PPEF2: variants seen among roughly 807,000 people sequenced by gnomAD.
PPEF2 encodes protein phosphatase with EF-hand domain 2.
PPEF2 carries 84 observed loss-of-function variants against 84.7 expected under a neutral mutation model. The observed-to-expected ratio is 0.99, with a 90% CI of 0.83 to 1.19. The LOEUF is 1.19. Ranked by LOEUF, PPEF2 falls within the 50% of genes most tolerant of loss-of-function variation. The pLI, the probability that PPEF2 is intolerant of heterozygous loss-of-function variation, is 0.00. For synonymous variants in PPEF2, 346 were observed against 345.2 expected, an observed-to-expected ratio of 1.00 and a Z score of -0.03; for missense variants, 924 against 937.5, an observed-to-expected ratio of 0.99 and a Z score of 0.19.
At chr4:75,874,198 C>T (rs966268495) in intron 11 of PPEF2, among the ~76,000 whole-genome samples, 1 of 152,044 alleles carries the variant, frequency 6.6e-6, no homozygotes, top group African/African-American at 2.4e-5. Flanking sequence ...AGTTTCTACT[C>T]TATTATTAAT....
At chr4:75,864,268 G>T (rs550678753) in intron 16 of PPEF2, among the ~76,000 whole-genome samples, 172 bp downstream of exon 16, 1 of 152,152 alleles carries the variant, frequency 6.6e-6, no homozygotes, top group Non-Finnish European at 1.5e-5. Context: ...ATGGGCTGCT[G>T]ATACTACTCA....
At chr4:75,885,028 G>A (rs529306651) in intron 7 of PPEF2, among the ~76,000 whole-genome samples, 9 of 152,166 alleles carry the variant, frequency 5.9e-5, no homozygotes, top group Non-Finnish European at 1.2e-4. Context: ...CACCAAACTT[G>A]TGATCCAAAG....
intron 5 of PPEF2, 26 bp downstream of exon 5, chr4:75,889,931 G>A: frequency 6.2e-7 from 1 of 1,611,964 alleles, no homozygotes; most frequent in South Asian, 1.1e-5. Flanking sequence ...AGTTGGTAGT[G>A]ACCCAGGTTC....
chr4:75,888,204 C>A lies in PPEF2; in HGVS notation c.532+10G>T. Reference sequence around the variant, plus strand: ...TGCAGCATGGAAAGCCGTTTCTGACCAGCTCTTACCACACACTGTGATCTC... The same window carrying A: ...TGCAGCATGGAAAGCCGTTTCTGACAAGCTCTTACCACACACTGTGATCTC... On this transcript the variant is annotated intron_variant, in intron 6 of 16. Transcript: ENST00000286719. The A allele has an allele frequency of 6.3e-7, 1 of 1,585,410 alleles. No individual in the cohort carries two copies. The highest frequency in any genetic ancestry group is 1.7e-5 in the Admixed American group (1 of 59,962).
intron 6 of PPEF2, 41 bp downstream of exon 6, chr4:75,888,172 CT>C (rs747214634): frequency 6.8e-5 from 99 of 1,450,172 alleles, no homozygotes; most frequent in Non-Finnish European, 8.8e-5. Context: ...GAGCATTCTT[CT>C]TTGTGTGCAG....
chr4:75,880,152 T>A (rs1724530497), intron 10 of PPEF2, among the ~76,000 whole-genome samples: 1 of 152,194 alleles, frequency 6.6e-6, no homozygotes, highest in Non-Finnish European at 1.5e-5. Context: ...TTAAGGATGT[T>A]GTTATCTGCT....
At chr4:75,866,640 TA>T (rs1390827728) in intron 14 of PPEF2, 1 of 399,178 alleles carries the variant, frequency 2.5e-6, no homozygotes, top group Non-Finnish European at 4.6e-6. Context: ...AATTCAAACT[TA>T]TTGAGGCATT....
chr4:75,880,275 C>G (rs551953888), intron 10 of PPEF2, among the ~76,000 whole-genome samples: 87 of 152,248 alleles, frequency 5.7e-4, no homozygotes, highest in Non-Finnish European at 1.0e-3. Context: ...ACCACCATAC[C>G]ACTCCTATAA....
rs759570831 is a variant in PPEF2, at chr4:75,876,436, G to T, written c.1171C>A (p.Arg391=). The change falls in exon 11 of 17, where the codon CGG becomes AGG. Residue 391 remains arginine, a synonymous_variant. Coordinates refer to ENST00000286719, the MANE Select transcript of PPEF2 (RefSeq NM_006239.3). ...LDGRELSRQV[R]SSVELELERC... ...TCTAGCTCCAGTTCCACGGAGCTCC[G>T]CACCTGCCGGGAGAGCTCCCGCCCG... 6.8e-6 allele frequency: 11 copies of T among 1,614,110 alleles called. No homozygotes were observed. Among genetic ancestry groups the T allele is most frequent in the Non-Finnish European group, 8.5e-6 (10 of 1,180,008 alleles).
chr4:75,898,005 G>C (rs377190000), intron 1 of PPEF2, among the ~76,000 whole-genome samples: 101 of 152,316 alleles, frequency 6.6e-4, no homozygotes, highest in African/African-American at 2.2e-3. Flanking sequence ...CATTGTTTCT[G>C]TATATATTCG....
chr4:75,890,245 C>T lies in PPEF2; in HGVS notation c.242-113G>A, dbSNP rs773530387. 7.4e-5 allele frequency: 88 copies of T among 1,189,194 alleles called. No individual in the cohort carries two copies. The Middle Eastern group carries it at 1.4e-3, about 19-fold the overall frequency. 73.7% of individuals were successfully genotyped at this position (1,189,194 alleles called of 1,614,324 possible). ...GTGGCTCTCTAATCCCAGAAATTTG[C>T]GGGGCCAAGGAGGGAGGATTGCTTG... On this transcript the variant is annotated intron_variant, in intron 4 of 16. Coordinates refer to ENST00000286719, the MANE Select transcript of PPEF2 (RefSeq NM_006239.3).
chr4:75,872,157 A>T lies in PPEF2; in HGVS notation c.1517T>A (p.Ile506Asn). 2.5e-6 allele frequency: 4 copies of T among 1,613,564 alleles called. No homozygotes were observed. The South Asian group carries it at 3.3e-5, about 13-fold the overall frequency. ...EFCHNRKVLTIFSASNYYEVG... is the reference protein window; with the variant it reads ...EFCHNRKVLTNFSASNYYEVG... ...TTCATAGTAGTTGGAGGCAGAAAAGATTGTTAATACCTACATCAAAACAGA... is the reference window on the plus strand; with the variant it reads ...TTCATAGTAGTTGGAGGCAGAAAAGTTTGTTAATACCTACATCAAAACAGA... Residue 506 changes from isoleucine (I) to asparagine (N), a missense_variant, in exon 13 of 17, where the codon ATC (isoleucine) becomes AAC (asparagine). Physicochemically the swap from Ile to Asn is moderately radical, Grantham distance 149. Transcript: ENST00000286719.
intron 11 of PPEF2, 37 bp from the exon 12 acceptor site, chr4:75,873,349 T>A: frequency 6.5e-7 from 1 of 1,534,370 alleles, no homozygotes; most frequent in East Asian, 2.3e-5. Flanking sequence ...TCCCAAAAAC[T>A]AGATACATAT....
intron 1 of PPEF2, among the ~76,000 whole-genome samples, chr4:75,899,927 G>C (rs922140168): frequency 1.3e-5 from 2 of 152,128 alleles, no homozygotes; most frequent in African/African-American, 4.8e-5. Context: ...TGTTTGATGT[G>C]GGTGAGAATT....
chr4:75,870,807 A>G (rs1328708289), intron 13 of PPEF2, among the ~76,000 whole-genome samples: 3 of 152,202 alleles, frequency 2.0e-5, no homozygotes, highest in Non-Finnish European at 4.4e-5. Context: ...GAGGCTACCC[A>G]TATAAATTCT....
intron 11 of PPEF2, among the ~76,000 whole-genome samples, chr4:75,874,803 C>T (rs1042409322): frequency 2.0e-5 from 3 of 152,160 alleles, no homozygotes; most frequent in Non-Finnish European, 2.9e-5. Context: ...CTTCTAGACT[C>T]AGAGTCAGCT....
Position 75,873,261 on chromosome 4 carries a change from T to G in PPEF2, c.1372A>C (p.Asn458His). The change falls in exon 12 of 17, where the codon AAC (asparagine) becomes CAC (histidine). Residue 458 changes from asparagine (N) to histidine (H), a missense_variant. Physicochemically the swap from Asn to His is moderately conservative, Grantham distance 68 (BLOSUM62 1). Coordinates refer to ENST00000286719, the MANE Select transcript of PPEF2 (RefSeq NM_006239.3). ...DPMAQEGCKA[N>H]TIRGGGCYFG... ...TAACAGCCTCCTCCTCGAATAGTGT[T>G]GGCCTTGCAGCCCTCTTGAGCCATG... The G allele has an allele frequency of 6.2e-7, 1 of 1,614,192 alleles. No homozygotes were observed. Among genetic ancestry groups the G allele is most frequent in the Non-Finnish European group, 8.5e-7 (1 of 1,180,036 alleles).
intron 2 of PPEF2, among the ~76,000 whole-genome samples, chr4:75,895,307 T>C (rs1724983708): frequency 6.6e-6 from 1 of 151,720 alleles, no homozygotes; most frequent in African/African-American, 2.4e-5. Context: ...CACCCGCCTG[T>C]AATCCCAGCT....
intron 5 of PPEF2, among the ~76,000 whole-genome samples, chr4:75,889,651 A>G (rs553307283): frequency 2.0e-5 from 3 of 152,288 alleles, no homozygotes; most frequent in Middle Eastern, 3.4e-3. Flanking sequence ...CAGAGATTTT[A>G]TCTGTTTTGT....
Sources: gnomAD v4.1 joint callset for allele counts (sites outside exome capture counted in the v4.1 genomes callset) on GRCh38, gnomAD v4.1.1 for gene constraint, MANE v1.5 for transcripts, NCBI Gene and HGNC (gene_info 2026-07-23, HGNC 2026-07-21) for gene names.